The following ATRN variants were observed in gnomAD, a reference collection of about 807,000 sequenced individuals.
The protein encoded by ATRN is attractin-2.
ATRN carries 54 observed loss-of-function variants against 178.7 expected under a neutral mutation model. The observed-to-expected ratio is 0.30, with a 90% CI of 0.24 to 0.38. ATRN has a LOEUF of 0.38. Among genes scored for constraint, ATRN ranks in the 10% least tolerant of loss-of-function variants. The pLI, the probability that ATRN is intolerant of heterozygous loss-of-function variation, is 1.00. For synonymous variants in ATRN, 636 were observed against 663.0 expected (o/e 0.96, Z 0.63); for missense variants, 1,443 against 1,815.1 (o/e 0.79, Z 3.73).
chr20:3,608,422 C>T lies in ATRN; in HGVS notation c.3801+4160C>T, dbSNP rs528965372. ...AGGGGCCTAGTGTTATTTTTCTGCA[C>T]GTGGATATCCAGTTTTCCCAGCACC... is the stretch of plus-strand genomic sequence containing the variant. On this transcript the variant is annotated intron_variant, in intron 24 of 28. Transcript: ENST00000262919. 3.5e-4 allele frequency among the ~76,000 whole-genome samples: 54 copies of T among 152,228 alleles called. No individual in the cohort carries two copies. In the East Asian group the frequency reaches 6.2e-3, roughly 17 times the overall value.
intron 10 of ATRN, among the ~76,000 whole-genome samples, chr20:3,563,621 C>T (rs955652982): frequency 6.6e-6 from 1 of 152,146 alleles, no homozygotes; most frequent in Non-Finnish European, 1.5e-5. Flanking sequence ...TCTAGTCTCT[C>T]CTTTGTCATG....
intron 3 of ATRN, among the ~76,000 whole-genome samples, chr20:3,544,235 C>G (rs2085665907): frequency 6.6e-6 from 1 of 152,142 alleles, no homozygotes; most frequent in Non-Finnish European, 1.5e-5. Context: ...GCCTGTTGAG[C>G]TTCTTGTTAG....
chr20:3,591,723 G>A (rs755626514), intron 19 of ATRN, among the ~76,000 whole-genome samples: 1 of 152,160 alleles, frequency 6.6e-6, no homozygotes, highest in Non-Finnish European at 1.5e-5. Flanking sequence ...GTTGTGGGAA[G>A]GGCAAGGTGT....
chr20:3,534,682 G>A (rs188334308), intron 1 of ATRN, among the ~76,000 whole-genome samples: 166 of 152,308 alleles, frequency 1.1e-3, no homozygotes, highest in African/African-American at 3.8e-3. Context: ...TATAGTAACA[G>A]ATACTTGCTG....
At chr20:3,530,680 G>T (rs2085441701) in intron 1 of ATRN, among the ~76,000 whole-genome samples, 1 of 152,054 alleles carries the variant, frequency 6.6e-6, no homozygotes, top group South Asian at 2.1e-4. Context: ...TATGTGTATA[G>T]AAATAGTGTT....
intron 1 of ATRN, among the ~76,000 whole-genome samples, chr20:3,507,354 A>G (rs924020445): frequency 6.6e-6 from 1 of 151,674 alleles, no homozygotes; most frequent in African/African-American, 2.4e-5. Flanking sequence ...GGATGCGGTG[A>G]ACCGAGATCG....
intron 1 of ATRN, among the ~76,000 whole-genome samples, chr20:3,512,886 G>C (rs982240950): frequency 2.0e-5 from 3 of 152,142 alleles, no homozygotes; most frequent in Admixed American, 2.0e-4. Context: ...TCACGTGTCT[G>C]TTGGCTGCAT....
intron 25 of ATRN, among the ~76,000 whole-genome samples, chr20:3,627,261 C>T (rs2086949378): frequency 6.6e-6 from 1 of 152,192 alleles, no homozygotes; most frequent in Non-Finnish European, 1.5e-5. Flanking sequence ...GATGTCCAAG[C>T]CACTCTTCAG....
At chr20:3,641,868 C>G (rs1172642048) in intron 27 of ATRN, among the ~76,000 whole-genome samples, 1 of 151,940 alleles carries the variant, frequency 6.6e-6, no homozygotes, top group Non-Finnish European at 1.5e-5. Flanking sequence ...AAAATTACCC[C>G]CAGGAGGATA....
At chr20:3,642,101 T>G (rs1052805483) in intron 27 of ATRN, among the ~76,000 whole-genome samples, 7 of 152,256 alleles carry the variant, frequency 4.6e-5, no homozygotes, top group Non-Finnish European at 8.8e-5. Context: ...CTTCTAGCTG[T>G]TCTTGCTCAG....
intron 24 of ATRN, among the ~76,000 whole-genome samples, chr20:3,623,367 A>C (rs1254617178): frequency 6.6e-6 from 1 of 152,230 alleles, no homozygotes; most frequent in Non-Finnish European, 1.5e-5. Flanking sequence ...GGGAGGACAC[A>C]AAAACTTCAA....
chr20:3,571,884 G>GT (rs1404036680), intron 11 of ATRN, among the ~76,000 whole-genome samples: 30 of 151,172 alleles, frequency 2.0e-4, no homozygotes, highest in Admixed American at 1.8e-3. Flanking sequence ...TTTTAAGTCA[G>GT]TTTTTTTTCA....
chr20:3,514,978 A>T (rs1482663824), intron 1 of ATRN, among the ~76,000 whole-genome samples: 2 of 152,160 alleles, frequency 1.3e-5, no homozygotes, highest in Admixed American at 6.6e-5. Flanking sequence ...AGAAAAAAAG[A>T]TACTTCCTTA....
chr20:3,501,813 A>T (rs147129879), intron 1 of ATRN, among the ~76,000 whole-genome samples: 142 of 152,232 alleles, frequency 9.3e-4, no homozygotes, highest in African/African-American at 3.2e-3. Flanking sequence ...TTCTAAGCAG[A>T]GTTTTGGTGG....
chr20:3,647,005 T>C lies in ATRN; in HGVS notation c.*158T>C, dbSNP rs887502494. 1 of 989,526 alleles carries C rather than the reference T, an allele frequency of 1.0e-6. No homozygotes were observed. Among genetic ancestry groups the C allele is most frequent in the Non-Finnish European group, 1.4e-6 (1 of 709,248 alleles). The allele number at this position is 989,526 out of a possible 1,614,324, so 61.3% of individuals were successfully genotyped here. On this transcript the variant is annotated 3_prime_UTR_variant, in exon 29 of 29. Transcript: ENST00000262919. ...CACCTGCATGATCACAAGCTTTCTT[T>C]GACGGTTTCTCCCATCCGTGTTCCA...
chr20:3,565,271 T>C (rs2086015842), intron 10 of ATRN, 77 bp from the exon 11 acceptor site: 3 of 1,110,780 alleles, frequency 2.7e-6, no homozygotes, highest in Admixed American at 2.2e-5. Flanking sequence ...TGTTGTAGTA[T>C]TTTTCCCAAA....
chr20:3,555,319 T>C (rs2085861726), intron 6 of ATRN, among the ~76,000 whole-genome samples: 1 of 151,698 alleles, frequency 6.6e-6, no homozygotes, highest in Non-Finnish European at 1.5e-5. Context: ...ACCTCTTACA[T>C]ACCCCACAGA....
intron 2 of ATRN, among the ~76,000 whole-genome samples, chr20:3,537,115 A>G (rs1200240416): frequency 6.6e-6 from 1 of 152,220 alleles, no homozygotes; most frequent in Non-Finnish European, 1.5e-5. Flanking sequence ...CCATTACATA[A>G]TATTTTAAAA....
chr20:3,599,568 G>A (rs2086578630), intron 22 of ATRN, among the ~76,000 whole-genome samples: 1 of 152,190 alleles, frequency 6.6e-6, no homozygotes, highest in Middle Eastern at 3.2e-3. Flanking sequence ...TTAAAACTGT[G>A]AGGATCCACT....
Sources: allele counts gnomAD v4.1 joint callset (sites outside exome capture counted in the v4.1 genomes callset), GRCh38; gene constraint gnomAD v4.1.1; transcripts MANE v1.5; gene names NCBI Gene and HGNC (gene_info 2026-07-23, HGNC 2026-07-21).